PNPLA3: variants seen among roughly 807,000 people sequenced by gnomAD.
The protein encoded by PNPLA3 is patatin like domain 3, 1-acylglycerol-3-phosphate O-acyltransferase.
In PNPLA3, 42 loss-of-function variants were observed where a neutral mutation model predicts 43.1. The observed-to-expected ratio is 0.97, with a 90% CI of 0.76 to 1.26. The LOEUF is 1.26. PNPLA3 is among the 50% of genes most tolerant of loss of function. PNPLA3 has a pLI of 0.00. For synonymous variants in PNPLA3, 272 were observed against 253.6 expected (o/e 1.07, Z -0.69); for missense variants, 647 against 621.4 (o/e 1.04, Z -0.44).
rs2050064292 is a variant in PNPLA3, at chr22:43,946,456, G to A, written c.*74G>A. 2.9e-6 allele frequency: 4 copies of A among 1,380,022 alleles called. No individual in the cohort carries two copies. The highest frequency in any genetic ancestry group is 1.8e-4 in the Middle Eastern group (1 of 5,572). 85.5% of individuals were successfully genotyped at this position (1,380,022 alleles called of 1,614,324 possible). ...TTCCCATCTTTGTGCAGCTACCTCC[G>A]CATTGCTGTGTAGTGACCCCTGCCT... On this transcript the variant is annotated 3_prime_UTR_variant, in exon 9 of 9. Coordinates refer to ENST00000216180, the MANE Select transcript of PNPLA3 (RefSeq NM_025225.3).
In PNPLA3 at chr22:43,946,194, A is replaced by C; in HGVS notation, c.1258A>C (p.Thr420Pro). The C allele has an allele frequency of 1.2e-6, 2 of 1,614,150 alleles. No homozygotes were observed. Among genetic ancestry groups the C allele is most frequent in the Non-Finnish European group, 1.7e-6 (2 of 1,180,016 alleles). ...PVSSQQASPC[T>P]PEQDWPCWTP... ...GAGCAGCCAACAGGCCTCCCCATGC[A>C]CACCTGAGCAGGACTGGCCCTGCTG... Residue 420 changes from threonine (T) to proline (P), a missense_variant, in exon 9 of 9, where the codon ACA becomes CCA. Physicochemically the swap from Thr to Pro is conservative, Grantham distance 38. Coordinates refer to ENST00000216180, the MANE Select transcript of PNPLA3 (RefSeq NM_025225.3).
At chr22:43,937,420 G>A (rs2050003130) in intron 6 of PNPLA3, 148 bp downstream of exon 6, 7 of 754,276 alleles carry the variant, frequency 9.3e-6, no homozygotes, top group Non-Finnish European at 1.5e-5. Context: ...TACAGCCTGG[G>A]CTGCTGCCAT....
chr22:43,942,935 G>A (rs966618108), intron 7 of PNPLA3, among the ~76,000 whole-genome samples: 3 of 151,728 alleles, frequency 2.0e-5, no homozygotes, highest in African/African-American at 4.8e-5. Context: ...TCCTCTTCCT[G>A]GGGCTCTTAT....
Position 43,947,000 on chromosome 22 carries a change from G to T in PNPLA3, c.*618G>T. The T allele has an allele frequency of 3.6e-6, 1 of 279,982 alleles. No homozygotes were observed. Among genetic ancestry groups the T allele is most frequent in the Non-Finnish European group, 7.0e-6 (1 of 143,700 alleles). 17.3% of individuals were successfully genotyped at this position (279,982 alleles called of 1,614,324 possible). A position where few individuals can be genotyped will look rare whatever the true frequency, so the allele number is the denominator to read the frequency against. On this transcript the variant is annotated 3_prime_UTR_variant, in exon 9 of 9. Transcript: ENST00000216180. ...GAGTTTTGTATAAAAATGTAAGGAA[G>T]CGTTGTTACCTGTTGAATTTTGTAT...
chr22:43,940,150 T>A lies in PNPLA3; in HGVS notation c.1112+25T>A, dbSNP rs200563318. 9.3e-6 allele frequency: 15 copies of A among 1,607,384 alleles called. No individual in the cohort carries two copies. In the East Asian group the frequency reaches 2.9e-4, roughly 31 times the overall value. On this transcript the variant is annotated intron_variant, in intron 7 of 8. Transcript: ENST00000216180. ...GGTGAGCATTTTAGGTGGCTCCGTG[T>A]CTTCCTCACAGGGTTGATATGAGGA...
Position 43,946,580 on chromosome 22 carries a change from C to A in PNPLA3, c.*198C>A. On this transcript the variant is annotated 3_prime_UTR_variant, in exon 9 of 9. Coordinates refer to ENST00000216180, the MANE Select transcript of PNPLA3 (RefSeq NM_025225.3). ...AGCGGTCCAGCACTTAACTCTAATA[C>A]ATCAGCATGCGTTAATTCAGCTGGT... 1.4e-6 allele frequency: 1 copy of A among 714,846 alleles called. No individual in the cohort carries two copies. The highest frequency in any genetic ancestry group is 2.5e-6 in the Non-Finnish European group (1 of 392,210). 44.3% of individuals were successfully genotyped at this position (714,846 alleles called of 1,614,324 possible).
At chr22:43,924,173 G>C (rs957104906) in intron 1 of PNPLA3, 75 bp downstream of exon 1, 6 of 1,362,074 alleles carry the variant, frequency 4.4e-6, no homozygotes, top group Non-Finnish European at 5.7e-6. Context: ...GGGATCCCCA[G>C]GGGTCGCGGG....
At chr22:43,937,864 A>AT (rs1196830062) in intron 6 of PNPLA3, among the ~76,000 whole-genome samples, 1 of 152,132 alleles carries the variant, frequency 6.6e-6, no homozygotes, top group Non-Finnish European at 1.5e-5. Context: ...GGTCCAAATG[A>AT]TTGTGTACCC....
chr22:43,926,629 A>G (rs1245610066), intron 1 of PNPLA3, among the ~76,000 whole-genome samples: 1 of 152,248 alleles, frequency 6.6e-6, no homozygotes, highest in East Asian at 1.9e-4. Flanking sequence ...AGTAAAAGAC[A>G]CAGGTAGAAT....
intron 3 of PNPLA3, among the ~76,000 whole-genome samples, chr22:43,932,564 C>T (rs2146780745): frequency 1.3e-5 from 2 of 152,300 alleles, no homozygotes; most frequent in Middle Eastern, 6.8e-3. Flanking sequence ...CTATAGGTGC[C>T]CATCTGGCCC....
intron 4 of PNPLA3, among the ~76,000 whole-genome samples, chr22:43,933,333 T>C (rs1569011937): frequency 6.6e-6 from 1 of 152,156 alleles, no homozygotes; most frequent in East Asian, 1.9e-4. Context: ...GGTTATATAG[T>C]CAGGGGGGTG....
At chr22:43,939,862 T>A in intron 6 of PNPLA3, 131 bp from the exon 7 acceptor site, 2 of 1,270,752 alleles carry the variant, frequency 1.6e-6, no homozygotes, top group Non-Finnish European at 2.2e-6. Flanking sequence ...ACCTTGTCGC[T>A]TTTGTGAGTG....
intron 7 of PNPLA3, among the ~76,000 whole-genome samples, chr22:43,943,485 G>A (rs1012176609): frequency 3.9e-5 from 6 of 152,132 alleles, no homozygotes; most frequent in Admixed American, 2.6e-4. Context: ...GGTGGTGAAC[G>A]CTGGCTCCCC....
chr22:43,933,701 G>A (rs1012564836), intron 4 of PNPLA3, among the ~76,000 whole-genome samples: 2 of 152,182 alleles, frequency 1.3e-5, no homozygotes, highest in African/African-American at 2.4e-5. Flanking sequence ...TTGGAAACAC[G>A]GTCAAGAACA....
chr22:43,924,332 C>T, intron 1 of PNPLA3: 1 of 520,580 alleles, frequency 1.9e-6, no homozygotes, highest in Non-Finnish European at 3.3e-6. Flanking sequence ...GCCTGGGACT[C>T]TCGTGCGTCC....
At position 43,937,237 on chromosome 22, in the gene PNPLA3, G is replaced by C; in HGVS notation, c.944G>C (p.Ser315Thr). 1.2e-6 allele frequency: 2 copies of C among 1,614,046 alleles called. No homozygotes were observed. The highest frequency in any genetic ancestry group is 1.7e-6 in the Non-Finnish European group (2 of 1,179,994). ...CTCAGCATCCTGCCCTGGGATGAGA[G>C]CATCCTGGACACCCTCTCGCCCAGG... ...LRLSILPWDE[S>T]ILDTLSPRLA... The change falls in exon 6 of 9, where the codon AGC (serine) becomes ACC (threonine). Residue 315 changes from serine to threonine, a missense_variant. Transcript: ENST00000216180.
chr22:43,926,496 C>G (rs557392890), intron 1 of PNPLA3, among the ~76,000 whole-genome samples: 52 of 152,258 alleles, frequency 3.4e-4, no homozygotes, highest in South Asian at 8.3e-4. Flanking sequence ...GAGGCCTGCT[C>G]GCCTGGGCTT....
chr22:43,943,402 G>T (rs1220866309), intron 7 of PNPLA3, among the ~76,000 whole-genome samples: 1 of 152,146 alleles, frequency 6.6e-6, no homozygotes, highest in Non-Finnish European at 1.5e-5. Context: ...CGGGAAGGAT[G>T]TCTACTTGGC....
intron 1 of PNPLA3, among the ~76,000 whole-genome samples, chr22:43,925,993 A>G (rs921517294): frequency 6.6e-6 from 1 of 152,174 alleles, no homozygotes; most frequent in South Asian, 2.1e-4. Flanking sequence ...TGGAAGGTGG[A>G]TCTGGAGGCG....
Sources: gnomAD v4.1 joint callset for allele counts (sites outside exome capture counted in the v4.1 genomes callset) on GRCh38, gnomAD v4.1.1 for gene constraint, MANE v1.5 for transcripts, NCBI Gene and HGNC (gene_info 2026-07-23, HGNC 2026-07-21) for gene names.